Variants in EPHA6 observed in about 807,000 individuals in gnomAD.
The protein encoded by EPHA6 is ephrin type-A receptor 6.
EPHA6 carries 50 observed loss-of-function variants against 112.0 expected under a neutral mutation model. The observed-to-expected ratio is 0.45, with a 90% CI of 0.36 to 0.56. The LOEUF (loss-of-function observed/expected upper bound fraction) is 0.56, where lower values mean the gene tolerates loss of function less well. Ranked by LOEUF, EPHA6 falls within the 20% of genes least tolerant of loss-of-function variation. The probability of loss-of-function intolerance (pLI) is 0.00; values close to 1 mark genes in which losing one functional copy is unlikely to be tolerated. For missense variants in EPHA6, 1,280 were observed against 1,417.4 expected, an observed-to-expected ratio of 0.90 and a Z score of 1.56; for synonymous variants, 529 against 490.7, an observed-to-expected ratio of 1.08 and a Z score of -1.03.
At chr3:97,297,979 G>T (rs1305341224) in intron 5 of EPHA6, among the ~76,000 whole-genome samples, 5 of 151,994 alleles carry the variant, frequency 3.3e-5, no homozygotes, top group African/African-American at 1.2e-4. Context: ...GGTCAGAATG[G>T]TCTCGATCTC....
At position 97,518,841 on chromosome 3, in the gene EPHA6, G is replaced by T. The variant is rs1269960493; in HGVS notation, c.2201-13517G>T. On this transcript the variant is annotated intron_variant, in intron 10 of 17. Transcript: ENST00000389672. ...TTTTAATAAAATTATTTGTTTTTTT[G>T]TTTGTTTTGTTTTGTTTTTTGGGTT... is the stretch of plus-strand genomic sequence containing the variant. Among the ~76,000 whole-genome samples, 7 of 151,552 alleles carry T rather than the reference G, an allele frequency of 4.6e-5. 1 individual carries two copies. The highest frequency in any genetic ancestry group is 4.2e-4 in the South Asian group (2 of 4,810).
At position 97,331,812 on chromosome 3, in the gene EPHA6, G is replaced by T. The variant is rs528843922; in HGVS notation, c.1607-73338G>T. Among the ~76,000 whole-genome samples the T allele has an allele frequency of 6.6e-5, 10 of 151,972 alleles. No individual in the cohort carries two copies. In the East Asian group the frequency reaches 1.9e-3, roughly 29 times the overall value. On this transcript the variant is annotated intron_variant, in intron 5 of 17. Coordinates refer to ENST00000389672, the MANE Select transcript of EPHA6 (RefSeq NM_001080448.3). Reference sequence around the variant, plus strand: ...TGGATTCACAGCCGAATTCACAGCCGAATTTTACCAGAGGTACAAGGAGGA... The same window carrying T: ...TGGATTCACAGCCGAATTCACAGCCTAATTTTACCAGAGGTACAAGGAGGA...
chr3:97,497,041 C>T (rs1331586338), intron 10 of EPHA6, among the ~76,000 whole-genome samples: 1 of 152,166 alleles, frequency 6.6e-6, no homozygotes, highest in Non-Finnish European at 1.5e-5. Context: ...CTGGCCAACC[C>T]ACCAACACCT....
At chr3:97,543,716 C>G (rs560220425) in intron 11 of EPHA6, among the ~76,000 whole-genome samples, 198 of 152,030 alleles carry the variant, frequency 1.3e-3, no homozygotes, top group Admixed American at 3.1e-3. Flanking sequence ...ATTGATTCTT[C>G]CTACCCATGA....
At chr3:97,652,897 AT>A (rs1417931296) in intron 14 of EPHA6, among the ~76,000 whole-genome samples, 1 of 152,036 alleles carries the variant, frequency 6.6e-6, no homozygotes, top group African/African-American at 2.4e-5. Context: ...ATCTGAAGAC[AT>A]TCTACCTGAT....
intron 1 of EPHA6, among the ~76,000 whole-genome samples, chr3:96,816,852 A>G (rs1433134642): frequency 2.0e-5 from 3 of 152,096 alleles, no homozygotes; most frequent in Admixed American, 1.3e-4. Context: ...GATGTTATTT[A>G]TTAACCTCTT....
intron 3 of EPHA6, among the ~76,000 whole-genome samples, chr3:97,187,676 AGAAAGAAAGAAG>A (rs1226992446): frequency 2.3e-3 from 203 of 88,388 alleles, no homozygotes; most frequent in African/African-American, 8.3e-3. Context: ...AGAAAGAAAG[AGAAAGAAAGAAG>A]GAAAGAAAGA....
At chr3:97,700,129 G>A (rs1018843082) in intron 14 of EPHA6, among the ~76,000 whole-genome samples, 4 of 152,162 alleles carry the variant, frequency 2.6e-5, no homozygotes, top group Admixed American at 2.6e-4. Flanking sequence ...AGATGTGTTC[G>A]CTAACCATGA....
chr3:96,883,016 G>A (rs2037416393), intron 2 of EPHA6, among the ~76,000 whole-genome samples: 2 of 152,200 alleles, frequency 1.3e-5, no homozygotes, highest in South Asian at 2.1e-4. Flanking sequence ...GTTTTCCATA[G>A]CAATTGTACT....
intron 5 of EPHA6, among the ~76,000 whole-genome samples, chr3:97,350,079 T>G (rs1362741066): frequency 6.6e-6 from 1 of 152,040 alleles, no homozygotes; most frequent in Non-Finnish European, 1.5e-5. Context: ...AATTTCCTAA[T>G]GAAAGACATA....
chr3:97,613,353 G>A (rs1185383491), intron 13 of EPHA6, among the ~76,000 whole-genome samples: 1 of 152,172 alleles, frequency 6.6e-6, no homozygotes, highest in African/African-American at 2.4e-5. Flanking sequence ...AGTGCACTGT[G>A]TAGTAGGGGA....
chr3:97,250,668 A>G (rs897068842), intron 5 of EPHA6, among the ~76,000 whole-genome samples: 18 of 152,198 alleles, frequency 1.2e-4, no homozygotes, highest in African/African-American at 3.9e-4. Context: ...ATATGATATA[A>G]GGCTCTACTT....
chr3:97,292,607 C>G (rs1185683472), intron 5 of EPHA6, among the ~76,000 whole-genome samples: 1 of 152,200 alleles, frequency 6.6e-6, no homozygotes, highest in Non-Finnish European at 1.5e-5. Flanking sequence ...GTTGTCCCAG[C>G]AAGCATCCAG....
chr3:97,608,743 A>T (rs1420994846), intron 12 of EPHA6, among the ~76,000 whole-genome samples: 1 of 151,282 alleles, frequency 6.6e-6, no homozygotes, highest in East Asian at 1.9e-4. Flanking sequence ...ACAAGTACTA[A>T]TAACAACTGG....
intron 3 of EPHA6, among the ~76,000 whole-genome samples, chr3:97,134,236 A>G (rs1158369416): frequency 6.6e-6 from 1 of 152,122 alleles, no homozygotes; most frequent in Non-Finnish European, 1.5e-5. Context: ...ACTATTTCTG[A>G]AGCTATATAT....
chr3:97,401,595 G>A (rs913022433), intron 5 of EPHA6, among the ~76,000 whole-genome samples: 4 of 151,328 alleles, frequency 2.6e-5, no homozygotes, highest in African/African-American at 7.3e-5. Flanking sequence ...TTAAAGGTTC[G>A]TCAATTTTGT....
chr3:97,287,068 C>G (rs2080491997), intron 5 of EPHA6, among the ~76,000 whole-genome samples: 1 of 151,486 alleles, frequency 6.6e-6, no homozygotes, highest in Non-Finnish European at 1.5e-5. Flanking sequence ...AATAGACATG[C>G]CACTGATTTT....
At chr3:97,332,653 A>C (rs2082857817) in intron 5 of EPHA6, among the ~76,000 whole-genome samples, 1 of 152,094 alleles carries the variant, frequency 6.6e-6, no homozygotes, top group Admixed American at 6.6e-5. Context: ...ATTAGGTTTG[A>C]GTCAATGTTC....
In EPHA6 at chr3:97,502,458, C is replaced by T. The variant is rs148615483; in HGVS notation, c.2200+18399C>T. The stretch of plus-strand genomic sequence containing the variant: ...TGCTGGGATTATACATGTGAGCCAC[C>T]GTGCCCGGGCAAGTACCTGCTCTTA... On this transcript the variant is annotated intron_variant, in intron 10 of 17. Transcript: ENST00000389672. Among the ~76,000 whole-genome samples, 991 of 151,888 alleles carry T rather than the reference C, an allele frequency of 6.5e-3. 18 individuals are homozygous for T. Among genetic ancestry groups the T allele is most frequent in the African/African-American group, 0.022 (912 of 41,360 alleles).
Sources: gnomAD v4.1 joint callset for allele counts (sites outside exome capture counted in the v4.1 genomes callset) on GRCh38, gnomAD v4.1.1 for gene constraint, MANE v1.5 for transcripts, NCBI Gene and HGNC (gene_info 2026-07-23, HGNC 2026-07-21) for gene names.